The following MARCHF6 variants were observed in gnomAD, a reference collection of about 807,000 sequenced individuals.
The protein encoded by MARCHF6 is E3 ubiquitin-protein ligase MARCHF6.
A neutral mutation model predicts 133.7 loss-of-function variants in MARCHF6; 31 were observed. The ratio of observed to expected loss-of-function variants is 0.23; its 90% CI spans 0.17 to 0.31. MARCHF6 has a LOEUF of 0.31. Ranked by LOEUF, MARCHF6 falls within the 10% of genes least tolerant of loss-of-function variation. The probability of loss-of-function intolerance (pLI) is 1.00; values close to 1 mark genes in which losing one functional copy is unlikely to be tolerated. For missense variants in MARCHF6, 723 were observed against 1,121.6 expected (o/e 0.64, Z 5.08); for synonymous variants, 395 against 402.5 (o/e 0.98, Z 0.22).
At chr5:10,386,451 T>G (rs1579559448) in intron 4 of MARCHF6, among the ~76,000 whole-genome samples, 1 of 152,238 alleles carries the variant, frequency 6.6e-6, no homozygotes, top group African/African-American at 2.4e-5. Context: ...ATACTTTGTC[T>G]TTCTCTAAAT....
At position 10,407,077 on chromosome 5, in the gene MARCHF6, T is replaced by C; in HGVS notation, c.1453-25T>C. 4 of 1,300,368 alleles carry C rather than the reference T, an allele frequency of 3.1e-6. 1 individual carries two copies. In the South Asian group the frequency reaches 4.8e-5, roughly 16 times the overall value. 80.6% of individuals were successfully genotyped at this position (1,300,368 alleles called of 1,614,324 possible). A position where few individuals can be genotyped will look rare whatever the true frequency, so the allele number is the denominator to read the frequency against. On this transcript the variant is annotated intron_variant, in intron 16 of 25. Coordinates refer to ENST00000274140, the MANE Select transcript of MARCHF6 (RefSeq NM_005885.4). ...CAGGAGTGATTGACTCTTATAGTGGTGTCATACCCTGTTTCCTTCTGCAGA... is the reference window on the plus strand; with the variant it reads ...CAGGAGTGATTGACTCTTATAGTGGCGTCATACCCTGTTTCCTTCTGCAGA...
chr5:10,399,412 G>A (rs1396914096), intron 10 of MARCHF6, among the ~76,000 whole-genome samples: 1 of 151,876 alleles, frequency 6.6e-6, no homozygotes, highest in Non-Finnish European at 1.5e-5. Context: ...TCCCTAGTAG[G>A]TTCACTCTGA....
rs183798624 is a variant in MARCHF6 at position 10,417,256 on chromosome 5, C to T, written c.2149-14C>T. ...AGATCCTCTTTAATGATGTGGGCTC[C>T]TGTTTCCTAATAGATCATGAAGACT... On this transcript the variant is annotated splice_polypyrimidine_tract_variant and intron_variant, in intron 21 of 25. Transcript: ENST00000274140. 12 of 1,599,240 alleles carry T rather than the reference C, an allele frequency of 7.5e-6. No homozygotes were observed. In the African/African-American group the frequency reaches 1.2e-4, roughly 16 times the overall value.
intron 1 of MARCHF6, among the ~76,000 whole-genome samples, chr5:10,375,796 C>T (rs940110132): frequency 4.0e-5 from 6 of 151,836 alleles, no homozygotes; most frequent in African/African-American, 1.5e-4. Flanking sequence ...ATTGTAAATA[C>T]ACCAATCGGC....
rs376029502 is a variant in MARCHF6 at position 10,405,697 on chromosome 5, GT to G, written c.1452+32del. 0.027 allele frequency: 29,569 copies of G among 1,089,868 alleles called. No homozygotes were observed. The highest frequency in any genetic ancestry group is 0.049 in the South Asian group (2,755 of 56,636). 67.5% of individuals were successfully genotyped at this position (1,089,868 alleles called of 1,614,324 possible). On this transcript the variant is annotated intron_variant, in intron 16 of 25. Transcript: ENST00000274140. ...TCAGTGGTAAGAAGATGTTTCCATT[GT>G]TTTTTTTTTTTGAATTAATTGTGCT...
chr5:10,425,649 T>C (rs756439707), intron 23 of MARCHF6, among the ~76,000 whole-genome samples: 6 of 152,342 alleles, frequency 3.9e-5, no homozygotes, highest in Non-Finnish European at 7.3e-5. Context: ...GGTTGAGTTA[T>C]GCTACATTCA....
chr5:10,375,218 G>A (rs546798975), intron 1 of MARCHF6, among the ~76,000 whole-genome samples: 3 of 152,342 alleles, frequency 2.0e-5, no homozygotes, highest in South Asian at 2.1e-4. Context: ...CTGGAGTTCC[G>A]GGTGGGCATG....
Position 10,374,934 on chromosome 5 carries a change from T to C in MARCHF6, c.20-2864T>C, listed in dbSNP as rs555318109. ...AGGATTGTCCCATTGATAGTTATTC[T>C]GTGGGTGGGGGTGCATGGCTTTTCT... On this transcript the variant is annotated intron_variant, in intron 1 of 25. Transcript: ENST00000274140. Among the ~76,000 whole-genome samples, 4 of 152,338 alleles carry C rather than the reference T, an allele frequency of 2.6e-5. No individual in the cohort carries two copies. The East Asian group carries it at 7.7e-4, about 29-fold the overall frequency.
At chr5:10,387,868 GC>G (rs951326177) in intron 5 of MARCHF6, among the ~76,000 whole-genome samples, 4 of 152,024 alleles carry the variant, frequency 2.6e-5, no homozygotes, top group African/African-American at 9.7e-5. Flanking sequence ...CACCATGTTA[GC>G]CAGGCTCGTC....
chr5:10,390,595 A>C, intron 6 of MARCHF6, 95 bp downstream of exon 6: 1 of 1,181,992 alleles, frequency 8.5e-7, no homozygotes, highest in Non-Finnish European at 1.2e-6. Context: ...CATGTCCCTC[A>C]TAAACATTCT....
intron 1 of MARCHF6, among the ~76,000 whole-genome samples, chr5:10,375,804 G>A (rs1362255356): frequency 6.6e-6 from 1 of 152,008 alleles, no homozygotes; most frequent in African/African-American, 2.4e-5. Flanking sequence ...TACACCAATC[G>A]GCACTCTGTA....
chr5:10,357,829 A>G (rs936476984), intron 1 of MARCHF6, among the ~76,000 whole-genome samples: 1 of 152,226 alleles, frequency 6.6e-6, no homozygotes, highest in Non-Finnish European at 1.5e-5. Context: ...TTTCTTTCAT[A>G]GAGCTTACAT....
chr5:10,429,003 A>G (rs1294378920), intron 24 of MARCHF6, among the ~76,000 whole-genome samples: 1 of 152,186 alleles, frequency 6.6e-6, no homozygotes, highest in Non-Finnish European at 1.5e-5. Flanking sequence ...TGTTTTAGAA[A>G]TGGGAAATTG....
chr5:10,372,243 G>T (rs779824276), intron 1 of MARCHF6, among the ~76,000 whole-genome samples: 2 of 148,526 alleles, frequency 1.3e-5, no homozygotes, highest in Non-Finnish European at 3.0e-5. Flanking sequence ...ACCCAATTGA[G>T]GGGGGAGAAA....
At position 10,403,435 on chromosome 5, in the gene MARCHF6, G is replaced by A. The variant is rs1738671830; in HGVS notation, c.1226G>A (p.Arg409Gln). 1.2e-6 allele frequency: 2 copies of A among 1,613,668 alleles called. No homozygotes were observed. The highest frequency in any genetic ancestry group is 1.3e-5 in the African/African-American group (1 of 74,900). The change falls in exon 15 of 26, where the codon CGA (arginine) becomes CAA (glutamine). Residue 409 changes from arginine to glutamine, a missense_variant. By Grantham distance (43) the Arg-to-Gln change is conservative (BLOSUM62 1). Coordinates refer to ENST00000274140, the MANE Select transcript of MARCHF6 (RefSeq NM_005885.4). ...ATGTTTGATGCTACTCTGAAAGATC[G>A]AGAACTGAGCTTTCAGTCGGCTCCA... ...LEMFDATLKD[R>Q]ELSFQSAPGT...
chr5:10,402,494 A>T, intron 13 of MARCHF6, 39 bp from the exon 14 acceptor site: 2 of 1,612,252 alleles, frequency 1.2e-6, no homozygotes, highest in Non-Finnish European at 1.7e-6. Flanking sequence ...GATTTCTCCT[A>T]CATTTGGGTG....
chr5:10,409,980 G>A (rs1338466344), intron 17 of MARCHF6, among the ~76,000 whole-genome samples, 159 bp from the exon 18 acceptor site: 1 of 152,158 alleles, frequency 6.6e-6, no homozygotes, highest in Non-Finnish European at 1.5e-5. Flanking sequence ...ACAATTTGGT[G>A]GAGTTTGTGG....
intron 22 of MARCHF6, among the ~76,000 whole-genome samples, chr5:10,420,208 G>A (rs1739758269): frequency 6.6e-6 from 1 of 152,164 alleles, no homozygotes; most frequent in South Asian, 2.1e-4. Context: ...CATCTTTAAT[G>A]ACCCCATGTC....
At chr5:10,369,266 T>C (rs1736317370) in intron 1 of MARCHF6, among the ~76,000 whole-genome samples, 1 of 152,224 alleles carries the variant, frequency 6.6e-6, no homozygotes, top group African/African-American at 2.4e-5. Flanking sequence ...GTGAGAAATA[T>C]TTGATGACCA....
Sources: gnomAD v4.1 joint callset for allele counts (sites outside exome capture counted in the v4.1 genomes callset) on GRCh38, gnomAD v4.1.1 for gene constraint, MANE v1.5 for transcripts, NCBI Gene and HGNC (gene_info 2026-07-23, HGNC 2026-07-21) for gene names.